The following DGKI variants were observed in gnomAD, a reference collection of about 807,000 sequenced individuals.
DGKI encodes the protein DAG kinase iota.
Under a neutral mutation model 147.5 loss-of-function variants are expected in DGKI, and 55 were observed. The ratio of observed to expected loss-of-function variants is 0.37; its 90% confidence interval spans 0.30 to 0.47. The LOEUF is 0.47. Among genes scored for constraint, DGKI ranks in the 20% least tolerant of loss-of-function variants. DGKI has a pLI of 1.00. For missense variants in DGKI, 1,007 were observed against 1,323.8 expected, an observed-to-expected ratio of 0.76 and a Z score of 3.71; for synonymous variants, 469 against 477.1, an observed-to-expected ratio of 0.98 and a Z score of 0.22.
chr7:137,639,225 T>C (rs766203094), intron 6 of DGKI, among the ~76,000 whole-genome samples: 9 of 152,160 alleles, frequency 5.9e-5, no homozygotes, highest in Non-Finnish European at 1.2e-4. Context: ...ATGAGATCAG[T>C]CCCTTAAAAA....
At chr7:137,539,525 G>T (rs935022271) in intron 20 of DGKI, among the ~76,000 whole-genome samples, 2 of 151,980 alleles carry the variant, frequency 1.3e-5, no homozygotes, top group African/African-American at 4.8e-5. Context: ...TCCCATACTG[G>T]CAACTTAGTC....
intron 1 of DGKI, among the ~76,000 whole-genome samples, chr7:137,823,695 G>A (rs1797971937): frequency 1.3e-5 from 2 of 152,218 alleles, no homozygotes; most frequent in African/African-American, 4.8e-5. Context: ...CAAAGTATTG[G>A]AGAAGAACGG....
chr7:137,654,920 C>T, intron 4 of DGKI, 132 bp from the exon 5 acceptor site: 1 of 602,534 alleles, frequency 1.7e-6, no homozygotes, highest in Non-Finnish European at 2.9e-6. Flanking sequence ...AGGAATAATA[C>T]TCTTCTTAGT....
chr7:137,843,759 A>ACACACACC (rs1798623859), intron 1 of DGKI, among the ~76,000 whole-genome samples: 1 of 84,762 alleles, frequency 1.2e-5, no homozygotes, highest in African/African-American at 3.5e-5. Flanking sequence ...ACCCCCCTAC[A>ACACACACC]CACACACACA....
In DGKI at chr7:137,381,543, G is replaced by T. The variant is rs1374283976; in HGVS notation, c.*9677C>A. Reference sequence around the variant, plus strand: ...TGCGAGTGGAATACCCACAGCCAAGGGTACCCTGGATGCCTGGGAACGTTT... The same window carrying T: ...TGCGAGTGGAATACCCACAGCCAAGTGTACCCTGGATGCCTGGGAACGTTT... On this transcript the variant is annotated 3_prime_UTR_variant, in exon 33 of 33. Transcript: ENST00000614521. 6.6e-6 allele frequency: 1 copy of T among 151,456 alleles called. No homozygotes were observed. Among genetic ancestry groups the T allele is most frequent in the East Asian group, 2.0e-4 (1 of 5,122 alleles). 9.4% of individuals were successfully genotyped at this position (151,456 alleles called of 1,614,324 possible).
chr7:137,821,332 G>A (rs1044470160), intron 1 of DGKI, among the ~76,000 whole-genome samples: 1 of 151,784 alleles, frequency 6.6e-6, no homozygotes, highest in Admixed American at 6.6e-5. Context: ...AAGTCACAGG[G>A]GGTGCCTCCT....
At chr7:137,828,568 C>T (rs957427631) in intron 1 of DGKI, among the ~76,000 whole-genome samples, 2 of 152,134 alleles carry the variant, frequency 1.3e-5, no homozygotes, top group African/African-American at 4.8e-5. Context: ...TTTCCTTTTT[C>T]ATTTCTCATC....
At chr7:137,578,200 C>CA in intron 16 of DGKI, 70 bp downstream of exon 16, 1 of 1,107,160 alleles carries the variant, frequency 9.0e-7, no homozygotes, top group Non-Finnish European at 1.4e-6. Context: ...ATGTAGTTTG[C>CA]AACTTTATGA....
chr7:137,534,108 C>T (rs1234140646), intron 20 of DGKI, among the ~76,000 whole-genome samples: 1 of 152,128 alleles, frequency 6.6e-6, no homozygotes, highest in Non-Finnish European at 1.5e-5. Context: ...GCACCTCACA[C>T]TTCATTACCA....
chr7:137,591,744 G>C (rs1011274325), intron 12 of DGKI, among the ~76,000 whole-genome samples: 5 of 152,158 alleles, frequency 3.3e-5, no homozygotes, highest in African/African-American at 1.2e-4. Context: ...TGACAAACAG[G>C]AAATGCTAAA....
At chr7:137,786,543 C>CA (rs906700114) in intron 1 of DGKI, among the ~76,000 whole-genome samples, 11 of 151,356 alleles carry the variant, frequency 7.3e-5, no homozygotes, top group East Asian at 3.9e-4. Flanking sequence ...ACCACACTGC[C>CA]AAAAAAAATC....
At chr7:137,589,208 T>G (rs978577047) in intron 12 of DGKI, among the ~76,000 whole-genome samples, 2 of 152,214 alleles carry the variant, frequency 1.3e-5, no homozygotes, top group East Asian at 3.9e-4. Context: ...CAAGACCAAA[T>G]GATTAGAAGT....
In DGKI at chr7:137,397,731, G is replaced by A. The variant is rs1474994222; in HGVS notation, c.2921-318C>T. 4.6e-5 allele frequency among the ~76,000 whole-genome samples: 7 copies of A among 152,184 alleles called. No individual in the cohort carries two copies. In the East Asian group the frequency reaches 1.3e-3, roughly 29 times the overall value. On this transcript the variant is annotated intron_variant, in intron 30 of 32. Coordinates refer to ENST00000614521, the MANE Select transcript of DGKI (RefSeq NM_001321708.2). ...ATTAAGTGGCTAACAAGGGAGAAAGGGGAAGATTAGGTGGGCTTTAGGAAT... is the reference window on the plus strand; with the variant it reads ...ATTAAGTGGCTAACAAGGGAGAAAGAGGAAGATTAGGTGGGCTTTAGGAAT...
At chr7:137,696,679 C>T (rs1435224817) in intron 1 of DGKI, among the ~76,000 whole-genome samples, 2 of 151,626 alleles carry the variant, frequency 1.3e-5, no homozygotes, top group Admixed American at 6.6e-5. Flanking sequence ...ACATTCTTCT[C>T]CTTATGGTAT....
chr7:137,471,361 A>G (rs548846932), intron 23 of DGKI, among the ~76,000 whole-genome samples: 1 of 152,294 alleles, frequency 6.6e-6, no homozygotes, highest in Non-Finnish European at 1.5e-5. Flanking sequence ...GTGTGTACAG[A>G]GGGGACAGGA....
chr7:137,466,903 T>C lies in DGKI; in HGVS notation c.2483A>G (p.Gln828Arg), dbSNP rs759593598. The C allele has an allele frequency of 1.2e-6, 2 of 1,614,104 alleles. No individual in the cohort carries two copies. Among genetic ancestry groups the C allele is most frequent in the South Asian group, 2.2e-5 (2 of 91,078 alleles). ...CAAGCAGGCTGGAAAAAAACTTACC[T>C]GAGATCTGTCTATTCGATAAAAGCG... Reference protein sequence around the residue: ...ADRFYRIDRSQEHLHFVMEIS... With the variant: ...ADRFYRIDRSREHLHFVMEIS... Residue 828 changes from glutamine (Q) to arginine (R), a missense_variant and splice_region_variant, in exon 25 of 33, where the codon CAG becomes CGG. By Grantham distance (43) the Gln-to-Arg change is conservative. Transcript: ENST00000614521.
chr7:137,430,857 A>G (rs942811698), intron 28 of DGKI, among the ~76,000 whole-genome samples: 1 of 152,088 alleles, frequency 6.6e-6, no homozygotes, highest in East Asian at 1.9e-4. Context: ...TGTCAGGAAT[A>G]GCGGGAAAAT....
chr7:137,603,259 G>A lies in DGKI; in HGVS notation c.1168-3354C>T, dbSNP rs1025348668. 7.2e-5 allele frequency among the ~76,000 whole-genome samples: 11 copies of A among 152,126 alleles called. No individual in the cohort carries two copies. In the East Asian group the frequency reaches 7.7e-4, roughly 11 times the overall value. On this transcript the variant is annotated intron_variant, in intron 10 of 32. Coordinates refer to ENST00000614521, the MANE Select transcript of DGKI (RefSeq NM_001321708.2). ...GGGGTGTGGAGAAGCAATCAAGAAC[G>A]GGTCGGTTCAAATAGCTCATCAATC...
At chr7:137,643,201 G>C (rs1387987640) in intron 6 of DGKI, among the ~76,000 whole-genome samples, 1 of 143,398 alleles carries the variant, frequency 7.0e-6, no homozygotes, top group Non-Finnish European at 1.5e-5. Flanking sequence ...TGAGGCAGGA[G>C]AATGGCATGA....
Sources: gnomAD v4.1 joint callset for allele counts (sites outside exome capture counted in the v4.1 genomes callset) on GRCh38, gnomAD v4.1.1 for gene constraint, MANE v1.5 for transcripts, NCBI Gene and HGNC (gene_info 2026-07-23, HGNC 2026-07-21) for gene names.